POLN: variants seen among roughly 807,000 people sequenced by gnomAD.
The protein encoded by POLN is DNA polymerase N.
Under a neutral mutation model 113.5 loss-of-function variants are expected in POLN, and 108 were observed. The ratio of observed to expected loss-of-function variants is 0.95; its 90% CI spans 0.81 to 1.12. The LOEUF (loss-of-function observed/expected upper bound fraction) is 1.12, where lower values mean the gene tolerates loss of function less well. Among genes scored for constraint, POLN ranks in the 50% most tolerant of loss-of-function variants. POLN has a pLI of 0.00. For synonymous variants in POLN, 386 were observed against 391.5 expected (o/e 0.99, Z 0.17); for missense variants, 1,097 against 1,077.1 (o/e 1.02, Z -0.26).
intron 9 of POLN, 58 bp from the exon 10 acceptor site, chr4:2,174,809 T>C (rs1455661848): frequency 7.5e-7 from 1 of 1,334,348 alleles, no homozygotes; most frequent in South Asian, 1.3e-5. Context: ...TATCTGCATT[T>C]TGTTGAAAAG....
chr4:2,180,926 A>T (rs1215145984), intron 7 of POLN, among the ~76,000 whole-genome samples: 1 of 152,208 alleles, frequency 6.6e-6, no homozygotes, highest in Non-Finnish European at 1.5e-5. Context: ...ACCTGTAAAA[A>T]AGTAAGTAAA....
At chr4:2,134,578 G>A (rs1447779611) in intron 16 of POLN, among the ~76,000 whole-genome samples, 1 of 152,102 alleles carries the variant, frequency 6.6e-6, no homozygotes, top group Non-Finnish European at 1.5e-5. Flanking sequence ...TATGTAGTGG[G>A]ATCTCATTAT....
Position 2,073,508 on chromosome 4 carries a change from G to A in POLN, c.2456-479C>T, listed in dbSNP as rs34994225. Among the ~76,000 whole-genome samples the A allele has an allele frequency of 8.5e-3, 1,290 of 152,328 alleles. 22 individuals carry two copies. Among genetic ancestry groups the A allele is most frequent in the African/African-American group, 0.027 (1,128 of 41,578 alleles). Reference sequence around the variant, plus strand: ...GAACCCCCCATCCCCACTACTGCCCGGTGAAGTTTGAGGCAACAGTGGCTT... The same window carrying A: ...GAACCCCCCATCCCCACTACTGCCCAGTGAAGTTTGAGGCAACAGTGGCTT... On this transcript the variant is annotated intron_variant, in intron 24 of 25. Transcript: ENST00000511885.
At chr4:2,099,905 T>C (rs1440742991) in intron 19 of POLN, among the ~76,000 whole-genome samples, 2 of 151,732 alleles carry the variant, frequency 1.3e-5, no homozygotes, top group Non-Finnish European at 2.9e-5. Context: ...TTGTCTCTAC[T>C]AAAAATACAA....
chr4:2,179,220 T>C (rs1278588192), intron 8 of POLN, 88 bp downstream of exon 8: 8 of 1,243,698 alleles, frequency 6.4e-6, no homozygotes, highest in Non-Finnish European at 9.0e-6. Context: ...ATGTTCTTTT[T>C]ACTATTAGGC....
chr4:2,072,268 C>T lies in POLN; in HGVS notation c.2549G>A (p.Arg850His), dbSNP rs759920925. ...VPLKVSLSAG[R>H]SWGHLVPLQE... ...CAGTGGCACCAGGTGTCCCCATGAG[C>T]GGCCGGCACTCAGGCTCACCTTGAG... is the stretch of plus-strand genomic sequence containing the variant. Residue 850 changes from arginine to histidine, a missense_variant, in exon 26 of 26, where the codon CGC (arginine) becomes CAC (histidine). Coordinates refer to ENST00000511885, the MANE Select transcript of POLN (RefSeq NM_181808.4). The T allele has an allele frequency of 5.7e-6, 9 of 1,591,364 alleles. No homozygotes were observed. Among genetic ancestry groups the T allele is most frequent in the South Asian group, 4.4e-5 (4 of 89,976 alleles).
chr4:2,174,034 C>T lies in POLN; in HGVS notation c.1310-15G>A, dbSNP rs781774582. ...GCTTTCCATCACTGTGATTCGAAACCCAAACCAGATCATATTTGCATTAAT... is the reference window on the plus strand; with the variant it reads ...GCTTTCCATCACTGTGATTCGAAACTCAAACCAGATCATATTTGCATTAAT... On this transcript the variant is annotated splice_polypyrimidine_tract_variant and intron_variant, in intron 10 of 25. Transcript: ENST00000511885. The T allele has an allele frequency of 4.3e-6, 7 of 1,613,238 alleles. No individual in the cohort carries two copies. The highest frequency in any genetic ancestry group is 3.3e-4 in the Middle Eastern group (2 of 6,060).
intron 23 of POLN, chr4:2,080,347 T>TG (rs1369782048): frequency 1.0e-6 from 1 of 972,558 alleles, no homozygotes; most frequent in Non-Finnish European, 1.2e-6. Context: ...AGCTGTGGCC[T>TG]GGGGGGCAGC....
chr4:2,208,041 G>C lies in POLN; in HGVS notation c.660C>G (p.Ala220=). The change falls in exon 5 of 26, where the codon GCC becomes GCG. Residue 220 remains alanine, a synonymous_variant. Transcript: ENST00000511885. ...CAGTATACATCACAGTTATCACCAG[G>C]GCTGCTGCCTGTTTGAGCATTTCAA... ...QLIEMLKQAA[A]LVITVMYTDG... is the part of the protein sequence containing the mutation. 1 of 1,614,092 alleles carries C rather than the reference G, an allele frequency of 6.2e-7. No individual in the cohort carries two copies. Among genetic ancestry groups the C allele is most frequent in the East Asian group, 2.2e-5 (1 of 44,870 alleles).
intron 20 of POLN, among the ~76,000 whole-genome samples, chr4:2,094,829 T>C (rs1411774435): frequency 1.3e-5 from 2 of 152,202 alleles, no homozygotes; most frequent in African/African-American, 4.8e-5. Flanking sequence ...AGGGCAGCTC[T>C]TAGGGACAAT....
chr4:2,239,247 T>A lies in POLN; in HGVS notation c.-13+2273A>T, dbSNP rs1435855696. ...GGTATGAATTACTAAATTTTACTGCTATTACTACCATATATATAGTAACGG... is the reference window on the plus strand; with the variant it reads ...GGTATGAATTACTAAATTTTACTGCAATTACTACCATATATATAGTAACGG... On this transcript the variant is annotated intron_variant, in intron 2 of 25. Coordinates refer to ENST00000511885, the MANE Select transcript of POLN (RefSeq NM_181808.4). 2.6e-5 allele frequency among the ~76,000 whole-genome samples: 4 copies of A among 152,232 alleles called. No homozygotes were observed. The East Asian group carries it at 5.8e-4, about 22-fold the overall frequency.
chr4:2,163,589 T>C (rs1266554087), intron 13 of POLN, among the ~76,000 whole-genome samples: 2 of 152,242 alleles, frequency 1.3e-5, no homozygotes, highest in Non-Finnish European at 2.9e-5. Context: ...TCACTGACCT[T>C]TAAAGATCAG....
chr4:2,156,907 A>C, intron 15 of POLN, 54 bp from the exon 16 acceptor site: 1 of 1,451,954 alleles, frequency 6.9e-7, no homozygotes, highest in South Asian at 1.1e-5. Flanking sequence ...TGTGAAGTTA[A>C]GAATGTGGCG....
At chr4:2,214,848 T>C (rs1210959088) in intron 3 of POLN, among the ~76,000 whole-genome samples, 1 of 151,830 alleles carries the variant, frequency 6.6e-6, no homozygotes. Flanking sequence ...ACTTAGGATA[T>C]GTGTGCTGTT....
At chr4:2,137,707 G>A (rs771558092) in intron 16 of POLN, among the ~76,000 whole-genome samples, 5 of 151,956 alleles carry the variant, frequency 3.3e-5, no homozygotes, top group African/African-American at 4.8e-5. Context: ...GCTGGCAATC[G>A]TCCCCCCACT....
Position 2,131,278 on chromosome 4 carries a change from T to C in POLN, c.1744A>G (p.Ile582Val), listed in dbSNP as rs756098805. The C allele has an allele frequency of 2.5e-6, 4 of 1,586,806 alleles. No homozygotes were observed. The highest frequency in any genetic ancestry group is 3.5e-6 in the Non-Finnish European group (4 of 1,156,308). The change falls in exon 17 of 26, where the codon ATC becomes GTC. Residue 582 changes from isoleucine (I) to valine (V), a missense_variant. Coordinates refer to ENST00000511885, the MANE Select transcript of POLN (RefSeq NM_181808.4). ...GTAATCTGAATTGGGTGCTTGGAGA[T>C]ACCTTGGATATTCTGTTAATAATAA... The part of the protein sequence containing the change: ...LSAKHPNIQG[I>V]SKHPIQITTP...
intron 16 of POLN, among the ~76,000 whole-genome samples, chr4:2,135,454 A>T (rs1731831434): frequency 6.6e-6 from 1 of 152,144 alleles, no homozygotes; most frequent in South Asian, 2.1e-4. Flanking sequence ...ACGGGTTCAC[A>T]TTTCCAAACA....
intron 16 of POLN, among the ~76,000 whole-genome samples, chr4:2,131,636 T>A (rs1215883307): frequency 6.6e-6 from 1 of 152,204 alleles, no homozygotes; most frequent in African/African-American, 2.4e-5. Context: ...TATGTGAAAT[T>A]TGTATATTGT....
chr4:2,124,056 C>T (rs1731516182), intron 19 of POLN, among the ~76,000 whole-genome samples: 1 of 151,960 alleles, frequency 6.6e-6, no homozygotes, highest in Admixed American at 6.6e-5. Flanking sequence ...ATGGATAAAC[C>T]TTGAAAATAC....
Sources: gnomAD v4.1 joint callset for allele counts (sites outside exome capture counted in the v4.1 genomes callset) on GRCh38, gnomAD v4.1.1 for gene constraint, MANE v1.5 for transcripts, NCBI Gene and HGNC (gene_info 2026-07-23, HGNC 2026-07-21) for gene names.